The following CPB1 variants were observed in gnomAD, a reference collection of about 807,000 sequenced individuals.
CPB1 encodes carboxypeptidase B1, also known as carboxypeptidase B.
CPB1 carries 53 observed loss-of-function variants against 51.4 expected under a neutral mutation model. The observed-to-expected ratio is 1.03, with a 90% CI of 0.83 to 1.30. The LOEUF (loss-of-function observed/expected upper bound fraction) is 1.30. CPB1 is among the 50% of genes most tolerant of loss of function. The pLI is 0.00. For missense variants in CPB1, 494 were observed against 516.2 expected (o/e 0.96, Z 0.42); for synonymous variants, 189 against 186.9 (o/e 1.01, Z -0.09).
At chr3:148,835,936 C>T (rs1712891998) in intron 3 of CPB1, among the ~76,000 whole-genome samples, 1 of 152,138 alleles carries the variant, frequency 6.6e-6, no homozygotes, top group African/African-American at 2.4e-5. Context: ...GGGAAAAAAA[C>T]AGATTAGATT....
At position 148,847,604 on chromosome 3, in the gene CPB1, GGTAATA is replaced by G. The variant is rs576544266; in HGVS notation, c.981+1983_981+1988del. Among the ~76,000 whole-genome samples, 165 of 152,088 alleles carry G rather than the reference GGTAATA, an allele frequency of 1.1e-3. 1 individual carries two copies. The highest frequency in any genetic ancestry group is 1.7e-3 in the East Asian group (9 of 5,180). ...ACTTCTTTGTTTAAAGTCAAGGAGAGGTAATAGTAAAAGAGATACTATTCAAAATCC... is the reference window on the plus strand; with the variant it reads ...ACTTCTTTGTTTAAAGTCAAGGAGAGGTAAAAGAGATACTATTCAAAATCC... On this transcript the variant is annotated intron_variant, in intron 9 of 10. Coordinates refer to ENST00000282957, the MANE Select transcript of CPB1 (RefSeq NM_001871.3).
intron 3 of CPB1, among the ~76,000 whole-genome samples, chr3:148,838,921 A>C (rs1452844046): frequency 1.3e-5 from 2 of 152,214 alleles, no homozygotes; most frequent in South Asian, 4.1e-4. Flanking sequence ...GATAGTAAAT[A>C]TAATTATAGT....
Position 148,844,536 on chromosome 3 carries a change from T to A in CPB1, c.635T>A (p.Phe212Tyr). The A allele has an allele frequency of 6.2e-7, 1 of 1,613,946 alleles. No individual in the cohort carries two copies. The highest frequency in any genetic ancestry group is 8.5e-7 in the Non-Finnish European group (1 of 1,179,854). The change falls in exon 7 of 11, where the codon TTT becomes TAT. Residue 212 changes from phenylalanine (F) to tyrosine (Y), a missense_variant. By Grantham distance (22) the Phe-to-Tyr change is conservative. Transcript: ENST00000282957. The part of the protein sequence containing the change: ...QVTELLDKLD[F>Y]YVLPVLNIDG... ...ACAGAGCTTCTCGACAAGTTAGACT[T>A]TTATGTCCTGCCTGTGCTCAATATT... is the stretch of plus-strand genomic sequence containing the variant.
rs200571129 is a variant in CPB1 at position 148,837,483 on chromosome 3, A to AAC, written c.272+2862_272+2863insCA. 6.0e-5 allele frequency among the ~76,000 whole-genome samples: 9 copies of AAC among 150,600 alleles called. No individual in the cohort carries two copies. The South Asian group carries it at 8.5e-4, about 14-fold the overall frequency. ...TATCTAATTTGCTTGTGTGTTAGAAAAAAAAAAAAAAAAAGGAGAAGTTGG... is the reference window on the plus strand; with the variant it reads ...TATCTAATTTGCTTGTGTGTTAGAAAACAAAAAAAAAAAAAAGGAGAAGTTGG... On this transcript the variant is annotated intron_variant, in intron 3 of 10. Transcript: ENST00000282957.
intron 10 of CPB1, among the ~76,000 whole-genome samples, chr3:148,858,870 T>C (rs1713671867): frequency 1.3e-5 from 2 of 152,168 alleles, no homozygotes; most frequent in Non-Finnish European, 2.9e-5. Flanking sequence ...AACACACACA[T>C]GACAAAAGAC....
intron 9 of CPB1, among the ~76,000 whole-genome samples, chr3:148,847,372 TAA>T (rs3043983): frequency 0.4 from 34,748 of 86,738 alleles, 5,602 homozygotes; most frequent in Middle Eastern, 0.49. Flanking sequence ...AAATCATTCT[TAA>T]AAAAAAAAAA....
chr3:148,827,940 C>A (rs1346916843), intron 1 of CPB1, 46 bp downstream of exon 1: 1 of 1,611,680 alleles, frequency 6.2e-7, no homozygotes, highest in Admixed American at 1.7e-5. Context: ...CCTTGCTAGC[C>A]CCCAAATTTG....
chr3:148,842,010 A>T, intron 6 of CPB1, 86 bp downstream of exon 6: 1 of 1,047,606 alleles, frequency 9.5e-7, no homozygotes. Context: ...GAATAATAAC[A>T]CAGAAAAAAA....
intron 10 of CPB1, among the ~76,000 whole-genome samples, chr3:148,858,862 C>G (rs530745155): frequency 6.6e-6 from 1 of 152,322 alleles, no homozygotes; most frequent in South Asian, 2.1e-4. Flanking sequence ...GAAATTGAAA[C>G]ACACACATGA....
At position 148,842,048 on chromosome 3, in the gene CPB1, A is replaced by C. The variant is rs1342246558; in HGVS notation, c.576+124A>C. Reference sequence around the variant, plus strand: ...CACAATTACAAGTGCCCAATTTTGGAAATTAGTTTCAACTTCCACCAACAG... The same window carrying C: ...CACAATTACAAGTGCCCAATTTTGGCAATTAGTTTCAACTTCCACCAACAG... On this transcript the variant is annotated intron_variant, in intron 6 of 10. Transcript: ENST00000282957. 4.0e-6 allele frequency: 3 copies of C among 742,574 alleles called. No homozygotes were observed. The Admixed American group carries it at 8.4e-5, about 21-fold the overall frequency. 46.0% of individuals were successfully genotyped at this position (742,574 alleles called of 1,614,324 possible).
At chr3:148,832,038 T>C (rs1210028552) in intron 2 of CPB1, among the ~76,000 whole-genome samples, 1 of 152,116 alleles carries the variant, frequency 6.6e-6, no homozygotes, top group African/African-American at 2.4e-5. Flanking sequence ...GAGTGTTGTA[T>C]GTATGTTGAT....
intron 6 of CPB1, 98 bp from the exon 7 acceptor site, chr3:148,844,380 C>A: frequency 1.2e-6 from 1 of 817,564 alleles, no homozygotes; most frequent in Non-Finnish European, 2.0e-6. Flanking sequence ...GGAAATGCTG[C>A]TCTTATTACC....
In CPB1 at chr3:148,859,998, A is replaced by T; in HGVS notation, c.1250A>T (p.Tyr417Phe). Reference sequence around the variant, plus strand: ...GCCAGCTACGTCCTGGAACACCTGTACTAGTTGAGAAAGCTGATGGCCTTG... The same window carrying T: ...GCCAGCTACGTCCTGGAACACCTGTTCTAGTTGAGAAAGCTGATGGCCTTG... ...YVASYVLEHL[Y>F] Residue 417 changes from tyrosine to phenylalanine, a missense_variant, in exon 11 of 11, where the codon TAC becomes TTC. Coordinates refer to ENST00000282957, the MANE Select transcript of CPB1 (RefSeq NM_001871.3). 1 of 1,608,358 alleles carries T rather than the reference A, an allele frequency of 6.2e-7. No individual in the cohort carries two copies. The highest frequency in any genetic ancestry group is 8.5e-7 in the Non-Finnish European group (1 of 1,177,462).
At position 148,828,016 on chromosome 3, in the gene CPB1, G is replaced by T; in HGVS notation, c.86G>T (p.Arg29Leu). 1 of 1,613,994 alleles carries T rather than the reference G, an allele frequency of 6.2e-7. No individual in the cohort carries two copies. The highest frequency in any genetic ancestry group is 1.3e-5 in the African/African-American group (1 of 75,014). Residue 29 changes from arginine (R) to leucine (L), a missense_variant, in exon 2 of 11, where the codon CGT becomes CTT. Transcript: ENST00000282957. ...GEHFEGEKVF[R>L]VNVEDENHIN... ...TCATTATTCAGCGAGAAGGTGTTCC[G>T]TGTTAACGTTGAAGATGAAAATCAC...
intron 9 of CPB1, chr3:148,852,044 C>G (rs1713448873): frequency 6.6e-6 from 1 of 152,190 alleles, no homozygotes. Context: ...TTAAATTTAA[C>G]TGGTCAGTCT....
In CPB1 at chr3:148,844,585, C is replaced by A. The variant is rs1400067900; in HGVS notation, c.684C>A (p.Thr228=). 2.5e-6 allele frequency: 4 copies of A among 1,612,902 alleles called. No individual in the cohort carries two copies. The highest frequency in any genetic ancestry group is 3.4e-6 in the Non-Finnish European group (4 of 1,179,064). Residue 228 remains threonine, a synonymous_variant, in exon 7 of 11, where the codon ACC becomes ACA. Coordinates refer to ENST00000282957, the MANE Select transcript of CPB1 (RefSeq NM_001871.3). ...TTGATGGCTACATCTACACCTGGAC[C>A]AAGGTATATGCACCAATACTGAGAG... ...LNIDGYIYTW[T]KSRFWRKTRS... is the part of the protein sequence containing the mutation.
chr3:148,828,201 T>C, intron 2 of CPB1, 124 bp downstream of exon 2: 1 of 777,266 alleles, frequency 1.3e-6, no homozygotes, highest in Non-Finnish European at 2.1e-6. Flanking sequence ...AAATAAAAAC[T>C]TGGAAAACAT....
At chr3:148,859,406 C>T (rs954532406) in intron 10 of CPB1, among the ~76,000 whole-genome samples, 1 of 152,210 alleles carries the variant, frequency 6.6e-6, no homozygotes, top group African/African-American at 2.4e-5. Flanking sequence ...CTGCCCTCAG[C>T]TTCTTCAATC....
intron 2 of CPB1, among the ~76,000 whole-genome samples, chr3:148,831,930 G>A (rs967852725): frequency 6.6e-6 from 1 of 152,062 alleles, no homozygotes; most frequent in Non-Finnish European, 1.5e-5. Context: ...CAGCTGTGAG[G>A]CTATAGCATT....
Sources: gnomAD v4.1 joint callset for allele counts (sites outside exome capture counted in the v4.1 genomes callset) on GRCh38, gnomAD v4.1.1 for gene constraint, MANE v1.5 for transcripts, NCBI Gene and HGNC (gene_info 2026-07-23, HGNC 2026-07-21) for gene names.